ITGBL1: variants seen among roughly 807,000 people sequenced by gnomAD.
ITGBL1 encodes integrin beta-like protein 1.
In ITGBL1, 51 loss-of-function variants were observed where a neutral mutation model predicts 68.5. That is an observed-to-expected ratio of 0.74 (90% CI 0.59 to 0.94). The LOEUF is 0.94. Among genes scored for constraint, ITGBL1 ranks in the 40% least tolerant of loss-of-function variants. ITGBL1 has a pLI of 0.00. For missense variants in ITGBL1, 649 were observed against 647.4 expected (o/e 1.00, Z -0.03); for synonymous variants, 209 against 227.3 (o/e 0.92, Z 0.72).
chr13:101,624,900 T>C (rs1382617369), intron 7 of ITGBL1, among the ~76,000 whole-genome samples: 1 of 152,192 alleles, frequency 6.6e-6, no homozygotes, highest in Non-Finnish European at 1.5e-5. Flanking sequence ...TAAAATACAA[T>C]CTGTGAATTC....
intron 2 of ITGBL1, among the ~76,000 whole-genome samples, chr13:101,530,882 AT>A (rs1335787933): frequency 6.6e-6 from 1 of 152,172 alleles, no homozygotes; most frequent in East Asian, 1.9e-4. Flanking sequence ...TCAACTTCAA[AT>A]TCTTGAAGGG....
intron 7 of ITGBL1, among the ~76,000 whole-genome samples, chr13:101,605,535 C>T (rs1000861203): frequency 6.1e-5 from 9 of 147,214 alleles, no homozygotes; most frequent in Non-Finnish European, 1.2e-4. Context: ...TATGTATATG[C>T]GTATATATAC....
rs1469849 is a variant in ITGBL1 at position 101,646,808 on chromosome 13, G to C, written c.1016-45777G>C. ...AAAGGAAAAAACTTTTCAAAGGACA[G>C]TGAAAGACATGAGATGTTACTGATG... On this transcript the variant is annotated intron_variant, in intron 7 of 10. Coordinates refer to ENST00000376180, the MANE Select transcript of ITGBL1 (RefSeq NM_004791.3). Among the ~76,000 whole-genome samples, 45 of 152,062 alleles carry C rather than the reference G, an allele frequency of 3.0e-4. 1 individual carries two copies. The Middle Eastern group carries it at 0.01, about 35-fold the overall frequency.
chr13:101,642,021 AT>A (rs1310517457), intron 7 of ITGBL1, among the ~76,000 whole-genome samples: 3 of 152,016 alleles, frequency 2.0e-5, no homozygotes, highest in African/African-American at 7.3e-5. Flanking sequence ...CGCAATAAAC[AT>A]ACGTGTGCAT....
At chr13:101,573,520 T>C (rs775859826) in intron 3 of ITGBL1, among the ~76,000 whole-genome samples, 2 of 152,078 alleles carry the variant, frequency 1.3e-5, no homozygotes, top group African/African-American at 2.4e-5. Context: ...ATGAATATAC[T>C]CTATATCTTA....
At chr13:101,668,488 G>GA (rs1306145530) in intron 7 of ITGBL1, among the ~76,000 whole-genome samples, 3 of 152,146 alleles carry the variant, frequency 2.0e-5, no homozygotes, top group Non-Finnish European at 4.4e-5. Context: ...GTTGGTTTAA[G>GA]AAAAACAGCT....
At chr13:101,686,578 C>A (rs1463354438) in intron 7 of ITGBL1, among the ~76,000 whole-genome samples, 3 of 151,914 alleles carry the variant, frequency 2.0e-5, no homozygotes, top group Non-Finnish European at 2.9e-5. Context: ...ACATAGCATT[C>A]TAAAATTTTA....
Position 101,583,219 on chromosome 13 carries a change from C to A in ITGBL1, c.731C>A (p.Thr244Asn). The change falls in exon 6 of 11, where the codon ACT becomes AAT. Residue 244 changes from threonine (T) to asparagine (N), a missense_variant. By Grantham distance (65) the Thr-to-Asn change is moderately conservative. Coordinates refer to ENST00000376180, the MANE Select transcript of ITGBL1 (RefSeq NM_004791.3). Reference protein sequence around the residue: ...PDGKICSNRGTCVCGECTCHD... With the variant: ...PDGKICSNRGNCVCGECTCHD... ...TAAAATTCTTCTTCCCACCTAGGGACTTGTGTATGTGGTGAATGTACCTGT... is the reference window on the plus strand; with the variant it reads ...TAAAATTCTTCTTCCCACCTAGGGAATTGTGTATGTGGTGAATGTACCTGT... The A allele has an allele frequency of 1.2e-6, 2 of 1,613,278 alleles. No homozygotes were observed. The highest frequency in any genetic ancestry group is 1.7e-6 in the Non-Finnish European group (2 of 1,179,604).
At chr13:101,460,380 C>G (rs1267658926) in intron 2 of ITGBL1, among the ~76,000 whole-genome samples, 1 of 152,218 alleles carries the variant, frequency 6.6e-6, no homozygotes, top group African/African-American at 2.4e-5. Flanking sequence ...GAAACACATT[C>G]AGGAGTTCCC....
intron 2 of ITGBL1, among the ~76,000 whole-genome samples, chr13:101,481,451 AG>A (rs1465467150): frequency 1.3e-5 from 2 of 152,078 alleles, no homozygotes; most frequent in Admixed American, 1.3e-4. Flanking sequence ...TAGAACTGAC[AG>A]GAATTGGAGA....
At chr13:101,577,837 A>G (rs73554061) in intron 4 of ITGBL1, among the ~76,000 whole-genome samples, 4,958 of 152,288 alleles carry the variant, frequency 0.033, 117 homozygotes, top group South Asian at 0.094. Flanking sequence ...GTTCATAAAT[A>G]AGATATATAG....
intron 2 of ITGBL1, among the ~76,000 whole-genome samples, chr13:101,522,809 A>C (rs2049307681): frequency 6.6e-6 from 1 of 152,196 alleles, no homozygotes; most frequent in African/African-American, 2.4e-5. Context: ...CAGACACAAG[A>C]AGACATTGTT....
intron 2 of ITGBL1, among the ~76,000 whole-genome samples, chr13:101,476,545 C>T (rs1322390111): frequency 6.6e-6 from 1 of 151,958 alleles, no homozygotes; most frequent in Admixed American, 6.6e-5. Flanking sequence ...CATGGAGTGA[C>T]TTACTGGATT....
Position 101,544,104 on chromosome 13 carries a change from G to A in ITGBL1, c.317-23595G>A, listed in dbSNP as rs368317324. Among the ~76,000 whole-genome samples, 13 of 152,258 alleles carry A rather than the reference G, an allele frequency of 8.5e-5. No individual in the cohort carries two copies. The East Asian group carries it at 1.2e-3, about 14-fold the overall frequency. Reference sequence around the variant, plus strand: ...TGTTCTGTTGCTGGTGAGGAGCTGCGTTCCTTTGGAGGAGGAGAGGTGCTC... The same window carrying A: ...TGTTCTGTTGCTGGTGAGGAGCTGCATTCCTTTGGAGGAGGAGAGGTGCTC... On this transcript the variant is annotated intron_variant, in intron 2 of 10. Transcript: ENST00000376180.
chr13:101,704,349 A>G (rs1373777086), intron 8 of ITGBL1, among the ~76,000 whole-genome samples: 1 of 152,160 alleles, frequency 6.6e-6, no homozygotes, highest in Non-Finnish European at 1.5e-5. Context: ...CAGGGGCTGG[A>G]GATACAGCCC....
chr13:101,502,052 G>T (rs1173060556), intron 2 of ITGBL1, among the ~76,000 whole-genome samples: 1 of 151,978 alleles, frequency 6.6e-6, no homozygotes, highest in Non-Finnish European at 1.5e-5. Flanking sequence ...CAAAAAATAA[G>T]AATGTGTATT....
chr13:101,505,002 AG>A (rs2139094606), intron 2 of ITGBL1, among the ~76,000 whole-genome samples: 1 of 152,316 alleles, frequency 6.6e-6, no homozygotes, highest in South Asian at 2.1e-4. Flanking sequence ...TCATCTCTCC[AG>A]GAAGTGTTTA....
At chr13:101,476,353 A>T (rs1178034207) in intron 2 of ITGBL1, among the ~76,000 whole-genome samples, 1 of 152,108 alleles carries the variant, frequency 6.6e-6, no homozygotes, top group African/African-American at 2.4e-5. Flanking sequence ...AAAGTTTAAA[A>T]ATGAAATTAA....
At chr13:101,590,605 G>A (rs1164533621) in intron 6 of ITGBL1, among the ~76,000 whole-genome samples, 6 of 152,116 alleles carry the variant, frequency 3.9e-5, no homozygotes, top group Admixed American at 3.3e-4. Flanking sequence ...CAATGTTATT[G>A]TTAAAGTGTC....
Sources: gnomAD v4.1 joint callset for allele counts (sites outside exome capture counted in the v4.1 genomes callset) on GRCh38, gnomAD v4.1.1 for gene constraint, MANE v1.5 for transcripts, NCBI Gene and HGNC (gene_info 2026-07-23, HGNC 2026-07-21) for gene names.